Variants in SH3BP4 observed in about 807,000 individuals in gnomAD.
The protein encoded by SH3BP4 is SH3 domain binding protein 4.
In SH3BP4, 33 loss-of-function variants were observed where a neutral mutation model predicts 65.5. That is an observed-to-expected ratio of 0.50 (90% CI 0.38 to 0.67). SH3BP4 has a LOEUF of 0.67. SH3BP4 is among the 30% of genes least tolerant of loss of function. SH3BP4 has a pLI of 0.00. For missense variants in SH3BP4, 1,134 were observed against 1,261.4 expected, an observed-to-expected ratio of 0.90 and a Z score of 1.53; for synonymous variants, 552 against 545.5, an observed-to-expected ratio of 1.01 and a Z score of -0.17.
chr2:235,038,312 T>TATATTATATAA (rs1491342675), intron 3 of SH3BP4, among the ~76,000 whole-genome samples: 4 of 10,266 alleles, frequency 3.9e-4, no homozygotes, highest in African/African-American at 2.1e-3. Context: ...TATATATATA[T>TATATTATATAA]TATATATTAT....
At chr2:235,031,007 TG>T (rs1695176655) in intron 2 of SH3BP4, among the ~76,000 whole-genome samples, 1 of 152,080 alleles carries the variant, frequency 6.6e-6, no homozygotes, top group Non-Finnish European at 1.5e-5. Context: ...CCTCTGGCCC[TG>T]GGGAGGAAGC....
In SH3BP4 at chr2:235,040,917, A is replaced by T. The variant is rs138775253; in HGVS notation, c.148A>T (p.Asn50Tyr). The change falls in exon 4 of 6, where the codon AAC (asparagine) becomes TAC (tyrosine). Residue 50 changes from asparagine to tyrosine, a missense_variant. Transcript: ENST00000392011. ...VPSPSALLVD[N>Y]PTPFGNAKEV... The stretch of plus-strand genomic sequence containing the variant: ...TTCTCCCAGTGCCTTGCTCGTAGAC[A>T]ACCCCACACCTTTCGGAAATGCAAA... The T allele has an allele frequency of 5.0e-6, 8 of 1,612,170 alleles. No individual in the cohort carries two copies. The highest frequency in any genetic ancestry group is 4.0e-5 in the African/African-American group (3 of 74,866).
intron 2 of SH3BP4, among the ~76,000 whole-genome samples, chr2:235,024,870 AGCTTTGCGGTCTTAAGTGGCAGGTG>A (rs1315296518): frequency 6.6e-6 from 1 of 152,124 alleles, no homozygotes; most frequent in African/African-American, 2.4e-5. Context: ...CCAGTGCCGA[AGCTTTGCGGTCTTAAGTGGCAGGTG>A]GGAGCCGGGA....
intron 4 of SH3BP4, among the ~76,000 whole-genome samples, chr2:235,050,983 G>A (rs754938996): frequency 1.3e-5 from 2 of 152,128 alleles, no homozygotes; most frequent in African/African-American, 4.8e-5. Flanking sequence ...AGGGGCTCAC[G>A]GGAGCCTCAG....
At chr2:235,024,459 C>T (rs1371711212) in intron 2 of SH3BP4, among the ~76,000 whole-genome samples, 1 of 152,146 alleles carries the variant, frequency 6.6e-6, no homozygotes, top group Non-Finnish European at 1.5e-5. Flanking sequence ...GCTCCACTCA[C>T]GTCCTCACAG....
At chr2:235,001,208 C>T (rs982978187) in intron 2 of SH3BP4, among the ~76,000 whole-genome samples, 1 of 152,222 alleles carries the variant, frequency 6.6e-6, no homozygotes, top group South Asian at 2.1e-4. Context: ...TTATCCTGGG[C>T]TCCCGGGCCC....
chr2:235,021,809 C>T (rs1694854332), intron 2 of SH3BP4, among the ~76,000 whole-genome samples: 1 of 151,978 alleles, frequency 6.6e-6, no homozygotes, highest in Admixed American at 6.5e-5. Context: ...TGACACAGAA[C>T]AGCCCCGATT....
chr2:235,042,281 C>T lies in SH3BP4; in HGVS notation c.1512C>T (p.Leu504=), dbSNP rs774662649. The T allele has an allele frequency of 2.5e-6, 4 of 1,614,160 alleles. No individual in the cohort carries two copies. The highest frequency in any genetic ancestry group is 1.3e-5 in the African/African-American group (1 of 75,026). ...IFGHDCAPKT[L]LVSEVTRQAP... ...GGCATGACTGTGCCCCAAAGACGCT[C>T]CTGGTCAGCGAGGTCACACGCCAGG... Residue 504 remains leucine (L), a synonymous_variant, in exon 4 of 6, where the codon CTC becomes CTT. Coordinates refer to ENST00000392011, the MANE Select transcript of SH3BP4 (RefSeq NM_014521.3). The surrounding 1 kb of genome is among the most constrained non-coding windows in gnomAD (Gnocchi z 7.3).
chr2:235,045,913 T>C lies in SH3BP4; in HGVS notation c.2478+2666T>C, dbSNP rs958467204. On this transcript the variant is annotated intron_variant, in intron 4 of 5. Transcript: ENST00000392011. The surrounding 1 kb of genome is among the most constrained non-coding windows in gnomAD (Gnocchi z 4.3). ...GGGAAAATGTGAGAGTTTGAGACAG[T>C]CAGTGTGCAGGGAGATGGGAAGGAA... Among the ~76,000 whole-genome samples the C allele has an allele frequency of 6.6e-6, 1 of 152,154 alleles. No homozygotes were observed. The highest frequency in any genetic ancestry group is 1.5e-5 in the Non-Finnish European group (1 of 68,030).
intron 1 of SH3BP4, among the ~76,000 whole-genome samples, chr2:234,990,963 G>A (rs1693730429): frequency 6.6e-6 from 1 of 152,138 alleles, no homozygotes; most frequent in African/African-American, 2.4e-5. Context: ...GTGCATGTCT[G>A]TTGAAACTCC....
intron 2 of SH3BP4, among the ~76,000 whole-genome samples, chr2:235,007,326 G>A (rs1048001232): frequency 4.6e-5 from 7 of 152,258 alleles, no homozygotes; most frequent in Middle Eastern, 3.4e-3. Context: ...GGCCTGAAAA[G>A]CCCCAGATAC....
At chr2:235,037,309 A>G (rs913735421) in intron 3 of SH3BP4, among the ~76,000 whole-genome samples, 1 of 152,078 alleles carries the variant, frequency 6.6e-6, no homozygotes, top group African/African-American at 2.4e-5. Flanking sequence ...CAGTTGACTG[A>G]TGGAGGGCCT....
At position 235,042,342 on chromosome 2, in the gene SH3BP4, G is replaced by T. The variant is rs1288428467; in HGVS notation, c.1573G>T (p.Gly525Trp). Reference protein sequence around the residue: ...NPAPVALQLWGKHQFVLSRPQ... With the variant: ...NPAPVALQLWWKHQFVLSRPQ... ...TGCCCCGGTGGCCCTGCAGCTGTGG[G>T]GGAAGCACCAGTTCGTTTTGTCCAG... The change falls in exon 4 of 6, where the codon GGG becomes TGG. Residue 525 changes from glycine to tryptophan, a missense_variant. By Grantham distance (184) the Gly-to-Trp change is radical. Transcript: ENST00000392011. The surrounding 1 kb of genome is among the most constrained non-coding windows in gnomAD (Gnocchi z 7.3). 6.2e-7 allele frequency: 1 copy of T among 1,614,060 alleles called. No individual in the cohort carries two copies. The highest frequency in any genetic ancestry group is 1.1e-5 in the South Asian group (1 of 91,094).
At chr2:234,986,092 T>C (rs1693549236) in intron 1 of SH3BP4, among the ~76,000 whole-genome samples, 2 of 149,782 alleles carry the variant, frequency 1.3e-5, no homozygotes, top group African/African-American at 5.1e-5. Flanking sequence ...GAACCAGCCC[T>C]TGACACAAAC....
At chr2:234,969,597 T>G (rs530722420) in intron 1 of SH3BP4, among the ~76,000 whole-genome samples, 2 of 152,352 alleles carry the variant, frequency 1.3e-5, no homozygotes, top group South Asian at 2.1e-4. Context: ...GCCTGCAGAC[T>G]TCCAAGGGCT....
rs534534362 is a variant in SH3BP4, at chr2:235,030,446, G to A, written c.-132-4425G>A. ...CCTGCTGCCTAGGGCCCTTGAGGACGCAGTGGGATGGTGCCTGGTGGAGCT... is the reference window on the plus strand; with the variant it reads ...CCTGCTGCCTAGGGCCCTTGAGGACACAGTGGGATGGTGCCTGGTGGAGCT... On this transcript the variant is annotated intron_variant, in intron 2 of 5. Transcript: ENST00000392011. The surrounding 1 kb of genome is among the most constrained non-coding windows in gnomAD (Gnocchi z 4.1). Among the ~76,000 whole-genome samples the A allele has an allele frequency of 8.5e-5, 13 of 152,324 alleles. No individual in the cohort carries two copies. The East Asian group carries it at 1.3e-3, about 16-fold the overall frequency.
intron 1 of SH3BP4, among the ~76,000 whole-genome samples, chr2:234,969,287 C>T (rs1007051786): frequency 7.9e-5 from 12 of 152,142 alleles, no homozygotes; most frequent in Non-Finnish European, 1.5e-4. Flanking sequence ...CTCTGATCTG[C>T]GGGTGGCTTT....
At chr2:235,018,716 A>G (rs1042398869) in intron 2 of SH3BP4, among the ~76,000 whole-genome samples, 3 of 152,028 alleles carry the variant, frequency 2.0e-5, no homozygotes, top group Admixed American at 2.0e-4. Context: ...GGTTCCAGTT[A>G]CTTTTTTAAA....
chr2:234,989,730 C>T (rs1056309602), intron 1 of SH3BP4, among the ~76,000 whole-genome samples: 6 of 152,138 alleles, frequency 3.9e-5, no homozygotes, highest in African/African-American at 4.8e-5. Context: ...ATCATTTTCA[C>T]GTCGTGAAAT....
Sources: allele counts gnomAD v4.1 joint callset (sites outside exome capture counted in the v4.1 genomes callset), GRCh38; gene constraint gnomAD v4.1.1; non-coding constraint Gnocchi (gnomAD v3.1); transcripts MANE v1.5; gene names NCBI Gene and HGNC (gene_info 2026-07-23, HGNC 2026-07-21).